COLEC10: variants seen among roughly 807,000 people sequenced by gnomAD.
COLEC10 encodes collectin subfamily member 10.
A neutral mutation model predicts 28.4 loss-of-function variants in COLEC10; 22 were observed. The ratio of observed to expected loss-of-function variants is 0.78; its 90% CI spans 0.55 to 1.11. The LOEUF (loss-of-function observed/expected upper bound fraction) is 1.11, where lower values mean the gene tolerates loss of function less well. Among genes scored for constraint, COLEC10 ranks in the 50% least tolerant of loss-of-function variants. The pLI is 0.00. For missense variants in COLEC10, 361 were observed against 344.1 expected, an observed-to-expected ratio of 1.05 and a Z score of -0.39; for synonymous variants, 125 against 116.1, an observed-to-expected ratio of 1.08 and a Z score of -0.49.
chr8:118,978,047 A>G, the COLEC10 span, among the ~76,000 whole-genome samples: 1 of 152,030 alleles, frequency 6.6e-6, no homozygotes, highest in Non-Finnish European at 1.5e-5. Context: ...ATTAACCCAC[A>G]CTGATTTTAC....
intron 2 of COLEC10, among the ~76,000 whole-genome samples, chr8:119,016,282 G>T (rs753947324): frequency 2.6e-5 from 4 of 152,088 alleles, no homozygotes; most frequent in East Asian, 1.9e-4. Flanking sequence ...TGCAGTGTTT[G>T]GTTTTCTGTT....
chr8:119,103,119 T>C (rs1177249190), intron 4 of COLEC10, among the ~76,000 whole-genome samples: 2 of 152,188 alleles, frequency 1.3e-5, no homozygotes, highest in Admixed American at 6.5e-5. Context: ...ATCATTTGAA[T>C]TTTACATCGG....
In COLEC10 at chr8:119,053,941, A is replaced by G. The variant is rs143457014; in HGVS notation, n.236-35739A>G. On this transcript the variant is annotated intron_variant and non_coding_transcript_variant, in intron 2 of 6. Coordinates refer to the COLEC10 transcript ENST00000521788. ...ATAAAATTTAATTTATAAATTAGGC[A>G]CAGTAAGAGCTTAACAGCAACTAAT... Among the ~76,000 whole-genome samples, 769 of 152,206 alleles carry G rather than the reference A, an allele frequency of 5.1e-3. 10 individuals carry two copies. Among genetic ancestry groups the G allele is most frequent in the African/African-American group, 0.018 (737 of 41,548 alleles).
At chr8:119,077,552 G>T (rs2130248875) in intron 1 of COLEC10, among the ~76,000 whole-genome samples, 1 of 152,202 alleles carries the variant, frequency 6.6e-6, no homozygotes, top group East Asian at 1.9e-4. Context: ...GTAGAAAAAT[G>T]ACTGGGCAGT....
chr8:119,024,016 T>C (rs963270835), intron 2 of COLEC10, among the ~76,000 whole-genome samples: 9 of 152,158 alleles, frequency 5.9e-5, no homozygotes, highest in Non-Finnish European at 2.9e-5. Flanking sequence ...CATGCCAATG[T>C]AATAAGGGCT....
At chr8:119,051,192 T>C (rs888425696) in intron 2 of COLEC10, among the ~76,000 whole-genome samples, 9 of 152,172 alleles carry the variant, frequency 5.9e-5, no homozygotes, top group Non-Finnish European at 1.3e-4. Context: ...TTTTCAAAAT[T>C]GAATAAATAA....
At chr8:119,080,443 G>A (rs1815346244) in intron 1 of COLEC10, among the ~76,000 whole-genome samples, 1 of 152,044 alleles carries the variant, frequency 6.6e-6, no homozygotes, top group Non-Finnish European at 1.5e-5. Flanking sequence ...AAATAATATT[G>A]CATTATTTAA....
chr8:118,970,526 G>C, the COLEC10 span, among the ~76,000 whole-genome samples: 19 of 151,904 alleles, frequency 1.3e-4, no homozygotes, highest in African/African-American at 4.3e-4. Context: ...TATTTTCTAG[G>C]TGGTGTTCAA....
At chr8:119,096,778 G>A (rs1815726933) in intron 3 of COLEC10, among the ~76,000 whole-genome samples, 1 of 151,494 alleles carries the variant, frequency 6.6e-6, no homozygotes, top group African/African-American at 2.4e-5. Flanking sequence ...AAATAAAAAA[G>A]GTCAAAAGAA....
chr8:119,011,011 A>G (rs1445763336), intron 2 of COLEC10, among the ~76,000 whole-genome samples: 2 of 150,962 alleles, frequency 1.3e-5, no homozygotes, highest in African/African-American at 5.0e-5. Flanking sequence ...AGTTCAGCTT[A>G]TCAATTTTCT....
chr8:119,078,922 G>C lies in COLEC10; in HGVS notation c.149-10758G>C, dbSNP rs961156853. The stretch of plus-strand genomic sequence containing the variant: ...TGAAATGAGTTTGAGAGAGAATATT[G>C]TATGTTACATATACAGAGTGTTGTA... On this transcript the variant is annotated intron_variant, in intron 1 of 5. Transcript: ENST00000332843. 2.6e-5 allele frequency among the ~76,000 whole-genome samples: 4 copies of C among 151,348 alleles called. No individual in the cohort carries two copies. The East Asian group carries it at 7.9e-4, about 30-fold the overall frequency.
intron 1 of COLEC10, among the ~76,000 whole-genome samples, chr8:119,077,963 CT>C (rs1320692500): frequency 6.6e-6 from 1 of 152,080 alleles, no homozygotes; most frequent in African/African-American, 2.4e-5. Flanking sequence ...TGGTGAGGGC[CT>C]CAGGAAATAT....
intron 2 of COLEC10, among the ~76,000 whole-genome samples, chr8:119,015,450 G>A (rs375618942): frequency 6.9e-6 from 1 of 145,096 alleles, no homozygotes; most frequent in East Asian, 1.9e-4. Flanking sequence ...GGCAGATCTT[G>A]TTAGGAAGAA....
At chr8:119,084,862 A>AGGGTAAAAAAAACACAGCC (rs1815440427) in intron 1 of COLEC10, among the ~76,000 whole-genome samples, 2 of 152,240 alleles carry the variant, frequency 1.3e-5, no homozygotes, top group African/African-American at 4.8e-5. Flanking sequence ...TTTACAATAA[A>AGGGTAAAAAAAACACAGCC]GGGTAAAAAA....
At chr8:119,015,940 T>C (rs1260348013) in intron 2 of COLEC10, among the ~76,000 whole-genome samples, 1 of 152,208 alleles carries the variant, frequency 6.6e-6, no homozygotes. Flanking sequence ...ATATATATTG[T>C]GTACCAGGTA....
chr8:119,067,296 A>G lies in COLEC10; in HGVS notation c.15A>G (p.Ala5=). 1 of 1,613,914 alleles carries G rather than the reference A, an allele frequency of 6.2e-7. No homozygotes were observed. The highest frequency in any genetic ancestry group is 8.5e-7 in the Non-Finnish European group (1 of 1,179,880). Reference sequence around the variant, plus strand: ...GAACCACAGCAATGAATGGCTTTGCATCCTTGCTTCGAAGAAACCAATTTA... The same window carrying G: ...GAACCACAGCAATGAATGGCTTTGCGTCCTTGCTTCGAAGAAACCAATTTA... The part of the protein sequence containing the change: MNGF[A]SLLRRNQFIL... The change falls in exon 1 of 6, where the codon GCA becomes GCG. Residue 5 remains alanine, a synonymous_variant. Transcript: ENST00000332843.
At chr8:119,004,425 T>G (rs1813751874) in intron 1 of COLEC10, among the ~76,000 whole-genome samples, 1 of 151,760 alleles carries the variant, frequency 6.6e-6, no homozygotes, top group Non-Finnish European at 1.5e-5. Flanking sequence ...TCAGGAACAG[T>G]CTTTCTGACG....
At chr8:118,969,467 A>G in the COLEC10 span, among the ~76,000 whole-genome samples, 1 of 152,164 alleles carries the variant, frequency 6.6e-6, no homozygotes, top group East Asian at 1.9e-4. Flanking sequence ...CAATTTATTC[A>G]GTTGCTAACA....
chr8:119,105,834 C>A lies in COLEC10; in HGVS notation c.477C>A (p.Phe159Leu). 6.2e-7 allele frequency: 1 copy of A among 1,613,330 alleles called. No individual in the cohort carries two copies. The highest frequency in any genetic ancestry group is 8.5e-7 in the Non-Finnish European group (1 of 1,179,608). The change falls in exon 6 of 6, where the codon TTC (phenylalanine) becomes TTA (leucine). Residue 159 changes from phenylalanine (F) to leucine (L), a missense_variant. Phe to Leu is a conservative substitution (Grantham distance 22). This residue lies in a region of COLEC10 where 335 missense variants were observed against 308.5 expected (regional missense o/e 1.09). Coordinates refer to ENST00000332843, the MANE Select transcript of COLEC10 (RefSeq NM_006438.5). The part of the protein sequence containing the change: ...IAGIRETEEK[F>L]YYIVQEEKNY... ...GGATTAGGGAAACTGAAGAGAAATT[C>A]TACTACATCGTGCAGGAAGAGAAGA...
Sources: allele counts gnomAD v4.1 joint callset (sites outside exome capture counted in the v4.1 genomes callset), GRCh38; gene constraint gnomAD v4.1.1; regional missense constraint gnomAD v4.1.1; transcripts MANE v1.5; gene names NCBI Gene and HGNC (gene_info 2026-07-23, HGNC 2026-07-21).